Variants in HMGN5 observed in about 807,000 individuals in gnomAD.
HMGN5 encodes high mobility group nucleosome binding domain 5.
Under a neutral mutation model 9.5 loss-of-function variants are expected in HMGN5, and 4 were observed. The observed-to-expected ratio is 0.42, with a 90% CI of 0.21 to 0.96. The LOEUF (loss-of-function observed/expected upper bound fraction) is 0.96. Among genes scored for constraint, HMGN5 ranks in the 40% least tolerant of loss-of-function variants. The probability of loss-of-function intolerance (pLI) is 0.30; values close to 1 mark genes in which losing one functional copy is unlikely to be tolerated. For synonymous variants in HMGN5, 55 were observed against 57.1 expected, an observed-to-expected ratio of 0.96 and a Z score of 0.16; for missense variants, 192 against 187.5, an observed-to-expected ratio of 1.02 and a Z score of -0.14.
intron 1 of HMGN5, among the ~76,000 whole-genome samples, chrX:81,140,865 C>T (rs189313997): frequency 9.0e-6 from 1 of 111,596 alleles, no homozygotes; most frequent in East Asian, 2.8e-4. Context: ...CCCTGGGATC[C>T]CTGATTTCAG....
At chrX:81,146,411 G>T (rs1211104530) in intron 1 of HMGN5, among the ~76,000 whole-genome samples, 1 of 111,601 alleles carries the variant, frequency 9.0e-6, no homozygotes, top group Non-Finnish European at 1.9e-5. Context: ...GGTAAATAAT[G>T]AAATGAGGGC....
intron 1 of HMGN5, among the ~76,000 whole-genome samples, chrX:81,130,095 T>C (rs5959816): frequency 0.41 from 44,829 of 110,118 alleles, 8,373 homozygotes; most frequent in Non-Finnish European, 0.57. Flanking sequence ...GGAAGATTTA[T>C]ACCAGGAACT....
chrX:81,132,981 A>C (rs992277240), intron 1 of HMGN5, among the ~76,000 whole-genome samples: 1 of 112,087 alleles, frequency 8.9e-6, no homozygotes, highest in East Asian at 2.8e-4. Flanking sequence ...AATATCCAGC[A>C]TCTGCAAGGA....
At chrX:81,176,312 C>A (rs112672428) in intron 1 of HMGN5, among the ~76,000 whole-genome samples, 1,292 of 111,654 alleles carry the variant, frequency 0.012, 23 homozygotes, top group African/African-American at 0.041. Context: ...TAGCTAAAAC[C>A]ACAAAGATAG....
chrX:81,148,153 A>G (rs764404964), intron 1 of HMGN5, among the ~76,000 whole-genome samples: 1 of 112,207 alleles, frequency 8.9e-6, no homozygotes, highest in African/African-American at 3.2e-5. Flanking sequence ...ATATGGAACC[A>G]AAAAAGAACC....
intron 1 of HMGN5, among the ~76,000 whole-genome samples, chrX:81,182,669 C>A (rs1468863588): frequency 8.9e-6 from 1 of 112,373 alleles, no homozygotes; most frequent in Admixed American, 9.4e-5. Context: ...TGCTGCTATG[C>A]TTCCTGTATG....
At chrX:81,201,638 T>C (rs1254882985) in intron 1 of HMGN5, 99 bp downstream of exon 1, 3 of 112,577 alleles carry the variant, frequency 2.7e-5, no homozygotes, top group Non-Finnish European at 5.6e-5. Flanking sequence ...CTCAGTACTT[T>C]AGTGCCTAAT....
chrX:81,125,810 A>C (rs964925905), intron 1 of HMGN5, among the ~76,000 whole-genome samples: 1 of 111,727 alleles, frequency 9.0e-6, no homozygotes, highest in African/African-American at 3.3e-5. Flanking sequence ...GAATAAACAC[A>C]AGCCCAGAGA....
intron 1 of HMGN5, among the ~76,000 whole-genome samples, chrX:81,176,366 G>A (rs1419612320): frequency 1.8e-5 from 2 of 111,331 alleles, no homozygotes; most frequent in Non-Finnish European, 3.8e-5. Flanking sequence ...AAAATCAGAG[G>A]AGCACCTCCT....
intron 5 of HMGN5, among the ~76,000 whole-genome samples, chrX:81,117,406 G>A (rs764263383): frequency 6.5e-5 from 7 of 107,313 alleles, no homozygotes; most frequent in Non-Finnish European, 1.2e-4. Context: ...AGGCATGCCC[G>A]GCTAATTTTT....
intron 1 of HMGN5, among the ~76,000 whole-genome samples, chrX:81,145,616 G>A (rs138960941): frequency 0.023 from 2,614 of 111,483 alleles, 37 homozygotes; most frequent in Non-Finnish European, 0.038. Context: ...TAACCAGCTA[G>A]CATCATAATG....
intron 1 of HMGN5, among the ~76,000 whole-genome samples, chrX:81,142,243 G>T (rs937025958): frequency 8.9e-6 from 1 of 111,747 alleles, no homozygotes; most frequent in Non-Finnish European, 1.9e-5. Context: ...GCAAATCTGA[G>T]AGTTATTGAC....
In HMGN5 at chrX:81,114,869, T is replaced by A. The variant is rs1451305958; in HGVS notation, c.629A>T (p.Glu210Val). The change falls in exon 7 of 7, where the codon GAG becomes GTG. Residue 210 changes from glutamate to valine, a missense_variant. By Grantham distance (121) the Glu-to-Val change is moderately radical. Coordinates refer to ENST00000358130, the MANE Select transcript of HMGN5 (RefSeq NM_030763.3). The stretch of plus-strand genomic sequence containing the variant: ...TCCCTTCTCTTTTCCATCTTCATTC[T>A]CTTTTCCATCTCCTGTTTCTTTTCT... ...EDRKETGDGK[E>V]NEDGKEKGDK... 8.6e-7 allele frequency: 1 copy of A among 1,160,831 alleles called. No homozygotes were observed. Among genetic ancestry groups the A allele is most frequent in the Non-Finnish European group, 1.1e-6 (1 of 871,470 alleles).
intron 1 of HMGN5, among the ~76,000 whole-genome samples, chrX:81,167,739 T>C (rs1269667243): frequency 8.9e-6 from 1 of 112,339 alleles, no homozygotes; most frequent in East Asian, 2.8e-4. Flanking sequence ...CATTGGTCTA[T>C]GTAAGGGAAG....
chrX:81,119,637 G>T, intron 3 of HMGN5, 151 bp downstream of exon 3: 2 of 394,929 alleles, frequency 5.1e-6, no homozygotes, highest in Non-Finnish European at 8.8e-6. Context: ...TCTGAAATTC[G>T]GATATATATT....
At chrX:81,153,583 C>CTCTCTA (rs2075373226) in intron 1 of HMGN5, among the ~76,000 whole-genome samples, 1 of 6,143 alleles carries the variant, frequency 1.6e-4, no homozygotes, top group Admixed American at 1.6e-3. Context: ...CTCTCTCTCT[C>CTCTCTA]TATATATATA....
intron 1 of HMGN5, among the ~76,000 whole-genome samples, chrX:81,162,956 C>T (rs1201590036): frequency 1.8e-5 from 2 of 111,405 alleles, no homozygotes; most frequent in South Asian, 3.7e-4. Flanking sequence ...CATGTGACTT[C>T]GACATTTCTT....
intron 2 of HMGN5, among the ~76,000 whole-genome samples, chrX:81,120,458 G>T (rs1366130028): frequency 2.7e-5 from 3 of 111,295 alleles, no homozygotes; most frequent in Non-Finnish European, 5.6e-5. Context: ...GGAATCTCAG[G>T]AAGGGGGGAT....
intron 1 of HMGN5, among the ~76,000 whole-genome samples, chrX:81,167,840 A>T (rs1040709079): frequency 8.4e-4 from 94 of 112,127 alleles, no homozygotes; most frequent in African/African-American, 2.9e-3. Flanking sequence ...TGTGACTATT[A>T]AAAAAGAAAA....
Sources: gnomAD v4.1 joint callset for allele counts (sites outside exome capture counted in the v4.1 genomes callset) on GRCh38, gnomAD v4.1.1 for gene constraint, MANE v1.5 for transcripts, NCBI Gene and HGNC (gene_info 2026-07-23, HGNC 2026-07-21) for gene names.